The following LINGO2 variants were observed in gnomAD, a reference collection of about 807,000 sequenced individuals.
LINGO2 encodes the protein leucine-rich repeat and immunoglobulin-like domain-containing nogo receptor-interacting protein 2.
LINGO2 carries 14 observed loss-of-function variants against 30.6 expected under a neutral mutation model. The observed-to-expected ratio is 0.46, with a 90% confidence interval of 0.30 to 0.72. The LOEUF is 0.72. LINGO2 is among the 30% of genes least tolerant of loss of function. The pLI is 0.07. For synonymous variants in LINGO2, 317 were observed against 288.5 expected (o/e 1.10, Z -1.00); for missense variants, 729 against 751.7 (o/e 0.97, Z 0.35).
chr9:28,402,940 C>G (rs1304658457), intron 2 of LINGO2, among the ~76,000 whole-genome samples: 1 of 152,148 alleles, frequency 6.6e-6, no homozygotes. Context: ...GGGTCTCTAC[C>G]ACTTAACAGT....
intron 1 of LINGO2, among the ~76,000 whole-genome samples, chr9:28,654,849 A>T (rs1367230289): frequency 6.6e-6 from 1 of 152,146 alleles, no homozygotes; most frequent in Non-Finnish European, 1.5e-5. Flanking sequence ...ATTAGTTCAC[A>T]CTTGCAAATG....
At chr9:29,101,541 C>T in the LINGO2 span, among the ~76,000 whole-genome samples, 2 of 152,152 alleles carry the variant, frequency 1.3e-5, no homozygotes, top group Non-Finnish European at 2.9e-5. Context: ...CTTCCCCTCC[C>T]CCGTGTAGTG....
chr9:28,460,512 C>T (rs974257639), intron 2 of LINGO2, among the ~76,000 whole-genome samples: 3 of 151,928 alleles, frequency 2.0e-5, no homozygotes, highest in African/African-American at 4.8e-5. Context: ...GAGAAAGATG[C>T]TATTAGAAAC....
the LINGO2 span, among the ~76,000 whole-genome samples, chr9:28,859,221 A>C: frequency 3.3e-3 from 496 of 152,176 alleles, 4 homozygotes; most frequent in African/African-American, 0.011. Context: ...AAAATTGCAG[A>C]GATTTAGTTT....
chr9:28,528,568 A>G (rs1821113777), intron 1 of LINGO2, among the ~76,000 whole-genome samples: 1 of 152,112 alleles, frequency 6.6e-6, no homozygotes, highest in Admixed American at 6.6e-5. Flanking sequence ...CACTGCTTAC[A>G]TTTTGTATTG....
At chr9:28,040,424 GTTTTTTT>G (rs762768949) in intron 4 of LINGO2, among the ~76,000 whole-genome samples, 1 of 124,320 alleles carries the variant, frequency 8.0e-6, no homozygotes, top group Non-Finnish European at 1.7e-5. Context: ...ACAGCTTGAA[GTTTTTTT>G]TTTTTTTTTT....
intron 4 of LINGO2, among the ~76,000 whole-genome samples, chr9:28,202,209 T>A (rs1011370619): frequency 2.8e-4 from 43 of 152,138 alleles, no homozygotes; most frequent in Admixed American, 1.4e-3. Flanking sequence ...ATCAGCCTAT[T>A]TCTAAGGAAA....
intron 3 of LINGO2, among the ~76,000 whole-genome samples, chr9:28,357,588 G>A (rs577455886): frequency 4.6e-5 from 7 of 152,124 alleles, no homozygotes; most frequent in African/African-American, 1.7e-4. Flanking sequence ...AAGAATTGGG[G>A]TATAGATAGT....
At chr9:28,498,553 T>A (rs1401455927) in intron 1 of LINGO2, among the ~76,000 whole-genome samples, 2 of 152,142 alleles carry the variant, frequency 1.3e-5, no homozygotes, top group African/African-American at 4.8e-5. Flanking sequence ...GGTGCTGTCT[T>A]TCACAGTTTC....
At chr9:28,487,152 T>C (rs1435967787) in intron 1 of LINGO2, among the ~76,000 whole-genome samples, 1 of 152,106 alleles carries the variant, frequency 6.6e-6, no homozygotes, top group Non-Finnish European at 1.5e-5. Flanking sequence ...GAGACAGACA[T>C]TGGTCCCCAT....
At chr9:29,213,064 G>A in the LINGO2 span, among the ~76,000 whole-genome samples, 1 of 152,102 alleles carries the variant, frequency 6.6e-6, no homozygotes, top group Admixed American at 6.5e-5. Context: ...AGGGGATGGC[G>A]GTTCAAAAGC....
chr9:28,725,503 G>A, the LINGO2 span, among the ~76,000 whole-genome samples: 1 of 150,592 alleles, frequency 6.6e-6, no homozygotes, highest in Admixed American at 6.6e-5. Context: ...ATACAACAGG[G>A]GGAATAATCC....
intron 5 of LINGO2, among the ~76,000 whole-genome samples, chr9:27,967,619 A>G (rs1820160710): frequency 6.6e-6 from 1 of 152,140 alleles, no homozygotes; most frequent in South Asian, 2.1e-4. Flanking sequence ...TGTTTCAGAG[A>G]AGACACAGGC....
chr9:28,526,301 A>G (rs1164539390), intron 1 of LINGO2, among the ~76,000 whole-genome samples: 2 of 152,106 alleles, frequency 1.3e-5, no homozygotes, highest in Admixed American at 6.5e-5. Context: ...AGAAAAATAA[A>G]CTGCTTTACA....
At chr9:28,916,990 G>A in the LINGO2 span, among the ~76,000 whole-genome samples, 4 of 152,278 alleles carry the variant, frequency 2.6e-5, no homozygotes, top group Non-Finnish European at 4.4e-5. Flanking sequence ...TAAGGTGGGA[G>A]TAAACACTAA....
the LINGO2 span, among the ~76,000 whole-genome samples, chr9:28,719,881 A>G: frequency 1.3e-5 from 2 of 152,016 alleles, no homozygotes; most frequent in Non-Finnish European, 2.9e-5. Context: ...AACTTGCTTA[A>G]TTATGTAAAT....
chr9:28,883,820 G>C, the LINGO2 span, among the ~76,000 whole-genome samples: 5 of 150,294 alleles, frequency 3.3e-5, no homozygotes, highest in East Asian at 9.9e-4. Flanking sequence ...TGGGATTACA[G>C]ACATGCGCCA....
chr9:28,755,395 A>C, the LINGO2 span, among the ~76,000 whole-genome samples: 1 of 152,058 alleles, frequency 6.6e-6, no homozygotes, highest in East Asian at 1.9e-4. Context: ...GCTCCATCTA[A>C]ATAATACATG....
chr9:28,659,553 T>C (rs1192878262), intron 1 of LINGO2, among the ~76,000 whole-genome samples: 1 of 152,040 alleles, frequency 6.6e-6, no homozygotes. Context: ...GATCAAGTCA[T>C]CTTCCCAACT....
Sources: gnomAD v4.1 joint callset for allele counts (sites outside exome capture counted in the v4.1 genomes callset) on GRCh38, gnomAD v4.1.1 for gene constraint, MANE v1.5 for transcripts, NCBI Gene and HGNC (gene_info 2026-07-23, HGNC 2026-07-21) for gene names.